Variants in CDH18 observed in about 807,000 individuals in gnomAD.
The protein encoded by CDH18 is cadherin-18.
CDH18 carries 31 observed loss-of-function variants against 67.9 expected under a neutral mutation model. That is an observed-to-expected ratio of 0.46 (90% CI 0.34 to 0.62). CDH18 has a LOEUF of 0.62. Ranked by LOEUF, CDH18 falls within the 20% of genes least tolerant of loss-of-function variation. The pLI is 0.01. For synonymous variants in CDH18, 362 were observed against 347.2 expected, an observed-to-expected ratio of 1.04 and a Z score of -0.48; for missense variants, 890 against 975.5, an observed-to-expected ratio of 0.91 and a Z score of 1.17.
At chr5:19,973,682 TA>T (rs1798237875) in intron 2 of CDH18, among the ~76,000 whole-genome samples, 1 of 152,026 alleles carries the variant, frequency 6.6e-6, no homozygotes, top group Non-Finnish European at 1.5e-5. Flanking sequence ...AAGCTTACCA[TA>T]AAAAATATGA....
At chr5:19,967,389 A>T (rs1797561636) in intron 2 of CDH18, among the ~76,000 whole-genome samples, 1 of 152,088 alleles carries the variant, frequency 6.6e-6, no homozygotes, top group Non-Finnish European at 1.5e-5. Context: ...TGATGATGAA[A>T]CCTGTTTTAC....
chr5:19,482,597 G>C (rs1489839584), intron 12 of CDH18, among the ~76,000 whole-genome samples: 1 of 151,898 alleles, frequency 6.6e-6, no homozygotes, highest in Non-Finnish European at 1.5e-5. Context: ...GATTCGTTTT[G>C]TTTTATGGTT....
At chr5:20,372,384 C>G (rs1254725480) in intron 1 of CDH18, among the ~76,000 whole-genome samples, 2 of 151,886 alleles carry the variant, frequency 1.3e-5, no homozygotes, top group Non-Finnish European at 2.9e-5. Flanking sequence ...TTTGAAAATG[C>G]AATAAATTAT....
intron 2 of CDH18, among the ~76,000 whole-genome samples, chr5:20,125,285 C>T (rs1038813281): frequency 1.1e-4 from 16 of 150,172 alleles, no homozygotes; most frequent in African/African-American, 3.2e-4. Context: ...AATACAACTT[C>T]GTGTGTGTGT....
At chr5:19,488,056 T>G (rs1451962928) in intron 11 of CDH18, among the ~76,000 whole-genome samples, 2 of 152,114 alleles carry the variant, frequency 1.3e-5, no homozygotes, top group African/African-American at 2.4e-5. Flanking sequence ...CTTCTGGAGA[T>G]CAGATGTAGT....
chr5:19,718,717 G>A (rs1765640780), intron 5 of CDH18, among the ~76,000 whole-genome samples: 1 of 151,908 alleles, frequency 6.6e-6, no homozygotes, highest in Admixed American at 6.6e-5. Context: ...TTCCCATGAT[G>A]CATTAGCCAG....
chr5:19,507,675 T>C (rs1156766379), intron 10 of CDH18, among the ~76,000 whole-genome samples: 1 of 152,094 alleles, frequency 6.6e-6, no homozygotes, highest in Admixed American at 6.6e-5. Flanking sequence ...AAACACCACA[T>C]GTTCTCACTC....
intron 1 of CDH18, among the ~76,000 whole-genome samples, chr5:20,368,335 G>T (rs1742688757): frequency 6.6e-6 from 1 of 152,052 alleles, no homozygotes; most frequent in African/African-American, 2.4e-5. Flanking sequence ...GTCTTCTAAA[G>T]AATCACTATT....
chr5:20,417,739 G>A (rs6872966), intron 1 of CDH18, among the ~76,000 whole-genome samples: 121,867 of 152,084 alleles, frequency 0.8, 49,032 homozygotes, highest in Admixed American at 0.88. Context: ...TGTATCATCA[G>A]TCATATATTC....
intron 11 of CDH18, among the ~76,000 whole-genome samples, chr5:19,489,636 C>T (rs531633242): frequency 5.9e-5 from 9 of 152,148 alleles, no homozygotes; most frequent in Non-Finnish European, 1.2e-4. Context: ...ACTCTCGTCA[C>T]GAAAACATCT....
intron 5 of CDH18, among the ~76,000 whole-genome samples, chr5:19,628,858 T>C (rs1168047365): frequency 2.0e-5 from 3 of 151,664 alleles, no homozygotes; most frequent in African/African-American, 2.4e-5. Flanking sequence ...GCTCAAATAC[T>C]GGATACTGAC....
chr5:19,958,613 AGAG>A (rs942317012), intron 2 of CDH18, among the ~76,000 whole-genome samples: 3 of 152,002 alleles, frequency 2.0e-5, no homozygotes, highest in East Asian at 1.9e-4. Flanking sequence ...AACATGTAAA[AGAG>A]GAGAAGACAG....
intron 2 of CDH18, among the ~76,000 whole-genome samples, chr5:20,007,731 C>G (rs939244111): frequency 6.8e-6 from 1 of 146,670 alleles, no homozygotes; most frequent in Non-Finnish European, 1.5e-5. Flanking sequence ...AGTCATTGGG[C>G]CTGCCACTTG....
intron 2 of CDH18, among the ~76,000 whole-genome samples, chr5:20,148,519 A>C (rs1452280971): frequency 6.6e-6 from 1 of 152,194 alleles, no homozygotes; most frequent in Admixed American, 6.6e-5. Context: ...TGCTGGGACC[A>C]TCAGCATTCA....
chr5:20,103,724 C>T (rs1323454508), intron 2 of CDH18, among the ~76,000 whole-genome samples: 22 of 147,898 alleles, frequency 1.5e-4, no homozygotes, highest in African/African-American at 2.2e-4. Flanking sequence ...TAGTGTGAGA[C>T]GCCGTCTCAA....
chr5:19,887,552 T>C (rs925541532), intron 2 of CDH18, among the ~76,000 whole-genome samples: 1 of 152,014 alleles, frequency 6.6e-6, no homozygotes, highest in Non-Finnish European at 1.5e-5. Flanking sequence ...CCTTTAGCTC[T>C]ACAATCCATC....
rs142034871 is a variant in CDH18 at position 20,069,702 on chromosome 5, C to T, written c.-517-77688G>A. Among the ~76,000 whole-genome samples the T allele has an allele frequency of 4.9e-3, 740 of 152,194 alleles. 7 individuals are homozygous for T. Among genetic ancestry groups the T allele is most frequent in the African/African-American group, 0.017 (697 of 41,514 alleles). ...CTGGGATTACAGACGTGAGCCACTG[C>T]GCCCAGCCATTTTTAGAATTTTTAA... On this transcript the variant is annotated intron_variant, in intron 2 of 14. Transcript: ENST00000507958.
Position 19,874,222 on chromosome 5 carries a change from C to CATT in CDH18, c.-256-34981_-256-34980insAAT, listed in dbSNP as rs1158449931. Among the ~76,000 whole-genome samples the CATT allele has an allele frequency of 8.9e-4, 136 of 152,150 alleles. 2 individuals are homozygous for CATT. In the East Asian group the frequency reaches 0.023, roughly 26 times the overall value. On this transcript the variant is annotated intron_variant, in intron 2 of 12. Coordinates refer to ENST00000382275, the MANE Select transcript of CDH18 (RefSeq NM_004934.5). Reference sequence around the variant, plus strand: ...GATCTATATTCTGTTTGGCATTGACCTCTCTGACCTGGGAAATGCATTATC... The same window carrying CATT: ...GATCTATATTCTGTTTGGCATTGACCATTTCTCTGACCTGGGAAATGCATTATC...
chr5:20,328,903 C>G (rs1002233388), intron 1 of CDH18, among the ~76,000 whole-genome samples: 1 of 139,306 alleles, frequency 7.2e-6, no homozygotes, highest in Admixed American at 7.6e-5. Context: ...ATCACCTGAG[C>G]CTGGATATGT....
Sources: allele counts gnomAD v4.1 joint callset (sites outside exome capture counted in the v4.1 genomes callset), GRCh38; gene constraint gnomAD v4.1.1; transcripts MANE v1.5; gene names NCBI Gene and HGNC (gene_info 2026-07-23, HGNC 2026-07-21).